The following KCNAB2 variants were observed in gnomAD, a reference collection of about 807,000 sequenced individuals.
KCNAB2 encodes voltage-gated potassium channel subunit beta-2.
Under a neutral mutation model 63.6 loss-of-function variants are expected in KCNAB2, and 29 were observed. The observed-to-expected ratio is 0.46, with a 90% confidence interval of 0.34 to 0.62. The LOEUF is 0.62. Among genes scored for constraint, KCNAB2 ranks in the 20% least tolerant of loss-of-function variants. The pLI is 0.01. For missense variants in KCNAB2, 359 were observed against 563.9 expected (o/e 0.64, Z 3.68); for synonymous variants, 222 against 224.2 (o/e 0.99, Z 0.09).
chr1:6,090,686 CCTGGCACCTCCAGG>C (rs1665117679), intron 9 of KCNAB2, among the ~76,000 whole-genome samples: 1 of 152,144 alleles, frequency 6.6e-6, no homozygotes, highest in Non-Finnish European at 1.5e-5. Context: ...GCCAGGTGCA[CCTGGCACCTCCAGG>C]CTGAGTCCCT....
chr1:6,073,658 C>G lies in KCNAB2; in HGVS notation c.263-75C>G. The G allele has an allele frequency of 3.5e-6, 5 of 1,439,308 alleles. No homozygotes were observed. The highest frequency in any genetic ancestry group is 4.9e-6 in the Non-Finnish European group (5 of 1,021,108). The allele number at this position is 1,439,308 out of a possible 1,614,324, so 89.2% of individuals were successfully genotyped here. On this transcript the variant is annotated intron_variant, in intron 3 of 15. Coordinates refer to ENST00000378083, the MANE Select transcript of KCNAB2 (RefSeq NM_001199862.2). The surrounding 1 kb of genome is among the most constrained non-coding windows in gnomAD (Gnocchi z 5.7). ...GTGGCTGCCCCCTGTGCCCTACAGC[C>G]TGAGGTCTGAGCACCGACGGGATAA...
upstream of KCNAB2, among the ~76,000 whole-genome samples, chr1:6,043,745 G>A (rs949178276): frequency 2.6e-5 from 4 of 152,336 alleles, no homozygotes; most frequent in African/African-American, 4.8e-5. Context: ...GGGCAGAGGC[G>A]TTCAAGGCAT....
chr1:6,033,249 GTA>G (rs1269320178), upstream of KCNAB2, among the ~76,000 whole-genome samples: 14 of 151,414 alleles, frequency 9.2e-5, no homozygotes, highest in African/African-American at 2.9e-4. Context: ...GGGTGTGCGT[GTA>G]TGTGTGTGTG....
At chr1:6,038,473 AT>A (rs1428755069) in intron 1 of KCNAB2, among the ~76,000 whole-genome samples, 2 of 151,708 alleles carry the variant, frequency 1.3e-5, no homozygotes, top group South Asian at 4.2e-4. Flanking sequence ...TTATTTTTTA[AT>A]TTTTTTGTAG....
chr1:6,062,482 T>C (rs895666006), intron 2 of KCNAB2, among the ~76,000 whole-genome samples: 3 of 152,300 alleles, frequency 2.0e-5, no homozygotes, highest in South Asian at 2.1e-4. Context: ...CTTTCCTGGG[T>C]CCATTGATCC....
At chr1:5,997,303 G>A (rs1313811487) in intron 1 of KCNAB2, among the ~76,000 whole-genome samples, 1 of 152,184 alleles carries the variant, frequency 6.6e-6, no homozygotes, top group Non-Finnish European at 1.5e-5. Flanking sequence ...CCTGCTGAGT[G>A]ATTTCACAGT....
intron 1 of KCNAB2, chr1:6,026,456 T>A (rs1238548158): frequency 1.3e-5 from 2 of 152,270 alleles, no homozygotes; most frequent in Admixed American, 6.5e-5. Context: ...GTACCTGGGG[T>A]GCTCCGGGGA....
intron 5 of KCNAB2, among the ~76,000 whole-genome samples, chr1:6,084,673 G>A (rs561334523): frequency 2.6e-4 from 39 of 152,150 alleles, no homozygotes; most frequent in African/African-American, 7.2e-4. Flanking sequence ...AAAATTAGCC[G>A]GGCGTGGTGG....
At position 6,078,502 on chromosome 1, in the gene KCNAB2, G is replaced by A. The variant is rs983627502; in HGVS notation, c.301-3693G>A. Among the ~76,000 whole-genome samples the A allele has an allele frequency of 2.0e-5, 3 of 152,114 alleles. No homozygotes were observed. The highest frequency in any genetic ancestry group is 2.9e-5 in the Non-Finnish European group (2 of 68,026). On this transcript the variant is annotated intron_variant, in intron 4 of 15. Transcript: ENST00000378083. The surrounding 1 kb of genome is among the most constrained non-coding windows in gnomAD (Gnocchi z 4.2). The stretch of plus-strand genomic sequence containing the variant: ...AAGCAGAAGCGAGCAAGGACGCCAC[G>A]TGGTGGTCCAGAGAAAGAGCCTTCG...
rs986793884 is a variant in KCNAB2, at chr1:6,095,677, G to A, written c.948+53G>A. The stretch of plus-strand genomic sequence containing the variant: ...CGGGCAGGGGATAGGCATTTTGGAC[G>A]GGTGGGACCTTTGGGCCGACTGCTT... On this transcript the variant is annotated intron_variant, in intron 13 of 15. Transcript: ENST00000378083. 38 of 1,549,924 alleles carry A rather than the reference G, an allele frequency of 2.5e-5. No homozygotes were observed. In the Admixed American group the frequency reaches 3.8e-4, roughly 16 times the overall value.
upstream of KCNAB2, among the ~76,000 whole-genome samples, chr1:6,032,898 A>G (rs1430644919): frequency 6.6e-6 from 1 of 152,268 alleles, no homozygotes; most frequent in Non-Finnish European, 1.5e-5. Context: ...TGTCATAAAA[A>G]ACAAAAATGA....
At position 6,078,260 on chromosome 1, in the gene KCNAB2, A is replaced by G. The variant is rs1381241887; in HGVS notation, c.301-3935A>G. On this transcript the variant is annotated intron_variant, in intron 4 of 15. Coordinates refer to ENST00000378083, the MANE Select transcript of KCNAB2 (RefSeq NM_001199862.2). This position sits in a 1 kb window ranked among gnomAD's most constrained non-coding sequence, Gnocchi z 4.2. ...TCTCGTCCTCATAAGGTCACCTGTG[A>G]TGGCACTGAGGGCCCACTTAGCTAA... is the stretch of plus-strand genomic sequence containing the variant. 6.6e-6 allele frequency among the ~76,000 whole-genome samples: 1 copy of G among 152,196 alleles called. No homozygotes were observed. The highest frequency in any genetic ancestry group is 1.5e-5 in the Non-Finnish European group (1 of 68,026).
rs369200825 is a variant in KCNAB2, at chr1:6,065,968, T to G, written c.219-6787T>G. Among the ~76,000 whole-genome samples the G allele has an allele frequency of 3.4e-4, 52 of 152,288 alleles. 3 individuals carry two copies. The South Asian group carries it at 0.011, about 32-fold the overall frequency. ...GCTTCCTTGGCTTCTGGATAAAGTC[T>G]CGTCCTGGTCGGGGGAGAAGAGTTT... On this transcript the variant is annotated intron_variant, in intron 2 of 15. Coordinates refer to ENST00000378083, the MANE Select transcript of KCNAB2 (RefSeq NM_001199862.2).
intron 1 of KCNAB2, among the ~76,000 whole-genome samples, chr1:6,002,012 CTG>C (rs1008457790): frequency 6.6e-6 from 1 of 152,218 alleles, no homozygotes. Context: ...CCTGCCTAGA[CTG>C]TGGGCCTCGT....
At chr1:6,061,350 C>A (rs1173727565) in intron 2 of KCNAB2, among the ~76,000 whole-genome samples, 1 of 151,414 alleles carries the variant, frequency 6.6e-6, no homozygotes, top group African/African-American at 2.4e-5. Flanking sequence ...ACGCCTGTAA[C>A]CCCAGCACCG....
In KCNAB2 at chr1:6,051,530, C is replaced by T. The variant is rs779402966; in HGVS notation, c.-7C>T. 70 of 1,510,110 alleles carry T rather than the reference C, an allele frequency of 4.6e-5. No individual in the cohort carries two copies. The East Asian group carries it at 9.9e-4, about 21-fold the overall frequency. 93.5% of individuals were successfully genotyped at this position (1,510,110 alleles called of 1,614,324 possible). ...GGACAGTGGCAGCTCCCAAGCCAGG[C>T]GGCACCATGCTGTCCATGACGTACA... On this transcript the variant is annotated 5_prime_UTR_variant, in exon 2 of 16. Transcript: ENST00000378083.
chr1:6,089,755 C>T (rs1050618484), intron 8 of KCNAB2, among the ~76,000 whole-genome samples: 5 of 152,166 alleles, frequency 3.3e-5, no homozygotes, highest in Admixed American at 6.5e-5. Flanking sequence ...TGGAGTGCAG[C>T]GGCACGATCT....
At chr1:6,065,332 C>T (rs1662655856) in intron 2 of KCNAB2, among the ~76,000 whole-genome samples, 1 of 152,244 alleles carries the variant, frequency 6.6e-6, no homozygotes, top group African/African-American at 2.4e-5. Context: ...CCAGCCAAGG[C>T]AGGCGGCTTG....
At chr1:6,048,133 G>A (rs1268496398) in intron 1 of KCNAB2, among the ~76,000 whole-genome samples, 3 of 152,196 alleles carry the variant, frequency 2.0e-5, no homozygotes, top group Non-Finnish European at 2.9e-5. Context: ...TGTGAAGGGG[G>A]CGATTATTCA....
Sources: allele counts gnomAD v4.1 joint callset (sites outside exome capture counted in the v4.1 genomes callset), GRCh38; gene constraint gnomAD v4.1.1; non-coding constraint Gnocchi (gnomAD v3.1); transcripts MANE v1.5; gene names NCBI Gene and HGNC (gene_info 2026-07-23, HGNC 2026-07-21).